The following FAM110B variants were observed in gnomAD, a reference collection of about 807,000 sequenced individuals.
FAM110B encodes protein FAM110B.
A neutral mutation model predicts 20.4 loss-of-function variants in FAM110B; 6 were observed. The observed-to-expected ratio is 0.29, with a 90% confidence interval of 0.16 to 0.58. The LOEUF (loss-of-function observed/expected upper bound fraction) is 0.58. FAM110B is among the 20% of genes least tolerant of loss of function. FAM110B has a pLI of 0.90. For missense variants in FAM110B, 434 were observed against 498.2 expected (o/e 0.87, Z 1.23); for synonymous variants, 226 against 214.1 (o/e 1.06, Z -0.49).
chr8:58,076,519 C>T (rs988889953), intron 3 of FAM110B, among the ~76,000 whole-genome samples: 4 of 152,184 alleles, frequency 2.6e-5, no homozygotes, highest in Non-Finnish European at 4.4e-5. Context: ...CCTTTCTGGT[C>T]CCCACAGCTG....
chr8:58,099,423 A>C (rs1282528130), intron 3 of FAM110B, among the ~76,000 whole-genome samples: 1 of 152,250 alleles, frequency 6.6e-6, no homozygotes, highest in African/African-American at 2.4e-5. Flanking sequence ...CTCAACCTGC[A>C]TTTAATTATT....
chr8:58,124,332 C>T (rs1807438473), intron 3 of FAM110B, among the ~76,000 whole-genome samples: 1 of 152,202 alleles, frequency 6.6e-6, no homozygotes, highest in Non-Finnish European at 1.5e-5. Context: ...GGTAACAAAG[C>T]ACAGCAGACC....
intron 2 of FAM110B, among the ~76,000 whole-genome samples, chr8:58,058,002 C>T (rs183580248): frequency 6.6e-6 from 1 of 152,274 alleles, no homozygotes; most frequent in East Asian, 1.9e-4. Context: ...CCCCTTGGGG[C>T]CGTGGGGAGA....
At chr8:58,006,923 A>ATATATATATTTTTT in intron 1 of FAM110B, among the ~76,000 whole-genome samples, 1 of 126,516 alleles carries the variant, frequency 7.9e-6, no homozygotes, top group African/African-American at 3.0e-5. Context: ...ATATATATAT[A>ATATATATATTTTTT]TTTTTCCAAA....
At chr8:58,085,792 G>A (rs558148748) in intron 3 of FAM110B, among the ~76,000 whole-genome samples, 52 of 152,260 alleles carry the variant, frequency 3.4e-4, no homozygotes, top group African/African-American at 1.1e-3. Context: ...TTTTTGCGGG[G>A]TGGTTTATCC....
At chr8:58,051,259 AG>A (rs1205789517) in intron 2 of FAM110B, among the ~76,000 whole-genome samples, 2 of 152,218 alleles carry the variant, frequency 1.3e-5, no homozygotes, top group Non-Finnish European at 2.9e-5. Context: ...GCTAGGACAC[AG>A]GGAGCTGCCC....
In FAM110B at chr8:58,092,052, G is replaced by A. The variant is rs189435431; in HGVS notation, c.-325+16429G>A. ...TTATTAATAATAGTACTTCATGTAA[G>A]CAGAGTAACCACTGCTAAAAGACTC... On this transcript the variant is annotated intron_variant, in intron 3 of 3. Transcript: ENST00000519262. Among the ~76,000 whole-genome samples, 744 of 152,260 alleles carry A rather than the reference G, an allele frequency of 4.9e-3. 9 individuals are homozygous for A. The highest frequency in any genetic ancestry group is 0.017 in the Middle Eastern group (5 of 294).
intron 3 of FAM110B, among the ~76,000 whole-genome samples, chr8:58,119,338 C>T (rs914476170): frequency 2.0e-5 from 3 of 152,204 alleles, no homozygotes; most frequent in African/African-American, 4.8e-5. Flanking sequence ...AGGGCTCCGT[C>T]CCCACAGATG....
chr8:58,075,373 C>T (rs1039517525), intron 2 of FAM110B, among the ~76,000 whole-genome samples, 162 bp from the exon 3 acceptor site: 1 of 151,780 alleles, frequency 6.6e-6, no homozygotes, highest in East Asian at 1.9e-4. Flanking sequence ...CCCCCCTCGG[C>T]CTCCCAAAGT....
intron 2 of FAM110B, among the ~76,000 whole-genome samples, chr8:58,039,828 C>T (rs1805171511): frequency 6.6e-6 from 1 of 152,194 alleles, no homozygotes; most frequent in South Asian, 2.1e-4. Flanking sequence ...GTGATCATAG[C>T]TCACAGTAGT....
chr8:58,092,425 G>A (rs1314891627), intron 3 of FAM110B, among the ~76,000 whole-genome samples: 2 of 152,076 alleles, frequency 1.3e-5, no homozygotes, highest in South Asian at 2.1e-4. Flanking sequence ...GCCATGGTGT[G>A]TGATGTTCCC....
chr8:58,142,549 C>G (rs1193466370), intron 3 of FAM110B, among the ~76,000 whole-genome samples: 1 of 151,512 alleles, frequency 6.6e-6, no homozygotes, highest in Non-Finnish European at 1.5e-5. Context: ...TGCTCCCCCA[C>G]CCCGACCCCT....
intron 3 of FAM110B, among the ~76,000 whole-genome samples, chr8:58,123,120 CCTG>C (rs1807405034): frequency 6.6e-6 from 1 of 152,152 alleles, no homozygotes; most frequent in South Asian, 2.1e-4. Context: ...CCCTAGTCCT[CCTG>C]CTATCAAACT....
rs1803886333 is a variant in FAM110B at position 58,147,127 on chromosome 8, T to C, written c.897T>C (p.Ala299=). The C allele has an allele frequency of 3.1e-6, 5 of 1,614,222 alleles. No homozygotes were observed. Among genetic ancestry groups the C allele is most frequent in the Non-Finnish European group, 4.2e-6 (5 of 1,180,040 alleles). ...ENLGMENFAR[A]NSDIISLNFR... ...TGGGAATGGAAAACTTTGCAAGGGC[T>C]AATTCTGACATAATATCCCTCAACT... Residue 299 remains alanine (A), a synonymous_variant, in exon 4 of 4, where the codon GCT becomes GCC. Coordinates refer to ENST00000519262, the MANE Select transcript of FAM110B (RefSeq NM_001377989.1).
intron 1 of FAM110B, among the ~76,000 whole-genome samples, chr8:58,001,469 A>G (rs1226292083): frequency 1.3e-5 from 2 of 152,090 alleles, no homozygotes; most frequent in East Asian, 3.9e-4. Context: ...CCTTGCCTCA[A>G]TGTGACATGT....
At chr8:58,019,680 G>A (rs527490199) in intron 1 of FAM110B, among the ~76,000 whole-genome samples, 3 of 151,814 alleles carry the variant, frequency 2.0e-5, no homozygotes, top group South Asian at 4.2e-4. Context: ...TTCCATTATG[G>A]CCTCCCTTGT....
At chr8:58,061,156 A>ATT (rs1384139758) in intron 2 of FAM110B, among the ~76,000 whole-genome samples, 10 of 152,216 alleles carry the variant, frequency 6.6e-5, no homozygotes, top group Non-Finnish European at 2.9e-5. Flanking sequence ...AAATGTGAAG[A>ATT]TCATGCTTAC....
At chr8:58,103,964 G>A (rs1806849056) in intron 3 of FAM110B, among the ~76,000 whole-genome samples, 1 of 152,154 alleles carries the variant, frequency 6.6e-6, no homozygotes, top group Admixed American at 6.5e-5. Flanking sequence ...ACTTCTCATT[G>A]CCTTGAGAGC....
At position 58,147,102 on chromosome 8, in the gene FAM110B, T is replaced by G; in HGVS notation, c.872T>G (p.Leu291Arg). ...CTGGACCCGGAAGAGCTGGAAAACC[T>G]GGGAATGGAAAACTTTGCAAGGGCT... The part of the protein sequence containing the change: ...CGLDPEELEN[L>R]GMENFARANS... Residue 291 changes from leucine (L) to arginine (R), a missense_variant, in exon 4 of 4, where the codon CTG becomes CGG. By Grantham distance (102) the Leu-to-Arg change is moderately radical (BLOSUM62 -2). This residue lies in a region of FAM110B where 94 missense variants were observed against 137.8 expected (regional missense o/e 0.68). Coordinates refer to ENST00000519262, the MANE Select transcript of FAM110B (RefSeq NM_001377989.1). The G allele has an allele frequency of 6.2e-7, 1 of 1,614,148 alleles. No homozygotes were observed. The highest frequency in any genetic ancestry group is 8.5e-7 in the Non-Finnish European group (1 of 1,180,026).
Sources: gnomAD v4.1 joint callset for allele counts (sites outside exome capture counted in the v4.1 genomes callset) on GRCh38, gnomAD v4.1.1 for gene constraint, gnomAD v4.1.1 regional missense constraint, MANE v1.5 for transcripts, NCBI Gene and HGNC (gene_info 2026-07-23, HGNC 2026-07-21) for gene names.